The following SPAG16 variants were observed in gnomAD, a reference collection of about 807,000 sequenced individuals.
The protein encoded by SPAG16 is sperm-associated antigen 16 protein.
Under a neutral mutation model 80.4 loss-of-function variants are expected in SPAG16, and 86 were observed. The ratio of observed to expected loss-of-function variants is 1.07; its 90% confidence interval spans 0.90 to 1.28. SPAG16 has a LOEUF of 1.28. Ranked by LOEUF, SPAG16 falls within the 50% of genes most tolerant of loss-of-function variation. The probability of loss-of-function intolerance (pLI) is 0.00; values close to 1 mark genes in which losing one functional copy is unlikely to be tolerated. For missense variants in SPAG16, 870 were observed against 765.3 expected (o/e 1.14, Z -1.61); for synonymous variants, 294 against 265.9 (o/e 1.11, Z -1.03).
chr2:213,841,114 T>C lies in SPAG16; in HGVS notation c.1071-21371T>C, dbSNP rs796926025. On this transcript the variant is annotated intron_variant, in intron 10 of 15. Transcript: ENST00000331683. ...GGACATTTGTTGTTATTATAGTGCT[T>C]TTTTGGTTTTTGTTTTTTGATTGGT... Among the ~76,000 whole-genome samples the C allele has an allele frequency of 2.6e-5, 4 of 152,202 alleles. 1 individual carries two copies. The highest frequency in any genetic ancestry group is 9.6e-5 in the African/African-American group (4 of 41,548).
intron 10 of SPAG16, among the ~76,000 whole-genome samples, chr2:213,814,333 C>T (rs979101849): frequency 6.6e-6 from 1 of 152,166 alleles, no homozygotes. Context: ...CTGCTTTACT[C>T]AATGTCTACC....
intron 15 of SPAG16, among the ~76,000 whole-genome samples, chr2:214,374,026 A>G (rs1287250966): frequency 6.6e-6 from 1 of 152,202 alleles, no homozygotes; most frequent in African/African-American, 2.4e-5. Context: ...ATTAGAATAT[A>G]GTAGGATCTA....
At chr2:213,576,086 A>C (rs2060114456) in intron 10 of SPAG16, among the ~76,000 whole-genome samples, 1 of 152,136 alleles carries the variant, frequency 6.6e-6, no homozygotes, top group South Asian at 2.1e-4. Flanking sequence ...ATCCATCATG[A>C]GTTAATTTTT....
At chr2:213,287,464 A>T (rs1575075334) in intron 1 of SPAG16, among the ~76,000 whole-genome samples, 1 of 152,338 alleles carries the variant, frequency 6.6e-6, no homozygotes, top group East Asian at 1.9e-4. Context: ...TTGTCTAAAG[A>T]GACTTTGTTC....
intron 15 of SPAG16, among the ~76,000 whole-genome samples, chr2:214,159,328 G>C (rs1248095382): frequency 2.6e-5 from 4 of 151,928 alleles, no homozygotes; most frequent in Admixed American, 2.6e-4. Flanking sequence ...TCATTAGATT[G>C]AAAATCAAGA....
chr2:213,345,742 C>G (rs2064941486), intron 6 of SPAG16, among the ~76,000 whole-genome samples: 2 of 150,520 alleles, frequency 1.3e-5, no homozygotes, highest in Admixed American at 1.3e-4. Context: ...TGGTCTATAT[C>G]TCTGTTTTGG....
intron 10 of SPAG16, among the ~76,000 whole-genome samples, chr2:213,639,085 C>T (rs746510770): frequency 1.3e-5 from 2 of 152,120 alleles, no homozygotes; most frequent in Non-Finnish European, 2.9e-5. Context: ...GTGTCCATTG[C>T]ATACAATATC....
chr2:213,751,241 T>G (rs1026667236), intron 10 of SPAG16, among the ~76,000 whole-genome samples: 5 of 152,172 alleles, frequency 3.3e-5, no homozygotes, highest in Non-Finnish European at 5.9e-5. Context: ...ACATAGTTAT[T>G]TAAAACCTGG....
At position 214,297,626 on chromosome 2, in the gene SPAG16, T is replaced by C. The variant is rs1439070369; in HGVS notation, c.1721-112514T>C. 3.3e-5 allele frequency among the ~76,000 whole-genome samples: 5 copies of C among 152,158 alleles called. No individual in the cohort carries two copies. The East Asian group carries it at 7.7e-4, about 23-fold the overall frequency. On this transcript the variant is annotated intron_variant, in intron 15 of 15. Coordinates refer to ENST00000331683, the MANE Select transcript of SPAG16 (RefSeq NM_024532.5). The stretch of plus-strand genomic sequence containing the variant: ...CCCCATTGTTTATTTTTGCTGACAT[T>C]GGAAAATATAAGTTGGTCGTACATA...
chr2:213,405,958 A>T (rs548876535), intron 9 of SPAG16, among the ~76,000 whole-genome samples: 1 of 152,342 alleles, frequency 6.6e-6, no homozygotes, highest in African/African-American at 2.4e-5. Flanking sequence ...CACAAAGGCT[A>T]CAGGAGTTGA....
At chr2:213,397,082 G>A (rs551791503) in intron 9 of SPAG16, among the ~76,000 whole-genome samples, 2 of 152,156 alleles carry the variant, frequency 1.3e-5, no homozygotes, top group Admixed American at 6.6e-5. Context: ...ATCCATTGAG[G>A]TTCTGGTAAA....
At chr2:214,142,540 T>G (rs2055415649) in intron 14 of SPAG16, among the ~76,000 whole-genome samples, 1 of 152,130 alleles carries the variant, frequency 6.6e-6, no homozygotes, top group Admixed American at 6.6e-5. Flanking sequence ...CTTCCATAAC[T>G]TTCAGTATTG....
chr2:213,403,819 G>A (rs1414418245), intron 9 of SPAG16, among the ~76,000 whole-genome samples: 3 of 152,170 alleles, frequency 2.0e-5, no homozygotes, highest in Non-Finnish European at 4.4e-5. Flanking sequence ...CGTCGTCTCA[G>A]CCCAAAATCT....
chr2:213,329,843 G>T (rs1347995595), intron 5 of SPAG16, among the ~76,000 whole-genome samples: 1 of 152,200 alleles, frequency 6.6e-6, no homozygotes, highest in Non-Finnish European at 1.5e-5. Context: ...GCTGGGCCTA[G>T]GGTCCCTCTG....
chr2:213,337,499 C>G (rs1173687148), intron 5 of SPAG16, among the ~76,000 whole-genome samples: 1 of 152,060 alleles, frequency 6.6e-6, no homozygotes, highest in Non-Finnish European at 1.5e-5. Context: ...GAGCTGTTTA[C>G]CAACATAACT....
At chr2:214,001,342 G>T (rs2046779723) in intron 12 of SPAG16, among the ~76,000 whole-genome samples, 1 of 152,006 alleles carries the variant, frequency 6.6e-6, no homozygotes, top group African/African-American at 2.4e-5. Context: ...ACATTAAATG[G>T]TTCCTTGATG....
At chr2:213,560,849 C>T (rs988330712) in intron 10 of SPAG16, among the ~76,000 whole-genome samples, 1 of 152,138 alleles carries the variant, frequency 6.6e-6, no homozygotes, top group African/African-American at 2.4e-5. Context: ...CAATGAATGA[C>T]GAAGTTAGCA....
intron 14 of SPAG16, among the ~76,000 whole-genome samples, chr2:214,128,727 A>G (rs1156726659): frequency 6.6e-6 from 1 of 151,886 alleles, no homozygotes; most frequent in African/African-American, 2.4e-5. Flanking sequence ...ATATGGTGAT[A>G]TTACCTAGTG....
intron 15 of SPAG16, among the ~76,000 whole-genome samples, chr2:214,344,643 A>G (rs1283456534): frequency 1.3e-5 from 2 of 152,218 alleles, no homozygotes; most frequent in Admixed American, 1.3e-4. Flanking sequence ...CATAATTCAT[A>G]TATGGATTAT....
Sources: gnomAD v4.1 joint callset for allele counts (sites outside exome capture counted in the v4.1 genomes callset) on GRCh38, gnomAD v4.1.1 for gene constraint, MANE v1.5 for transcripts, NCBI Gene and HGNC (gene_info 2026-07-23, HGNC 2026-07-21) for gene names.